MYO1C: variants seen among roughly 807,000 people sequenced by gnomAD.
MYO1C encodes the protein myosin IC.
A neutral mutation model predicts 150.8 loss-of-function variants in MYO1C; 104 were observed. The observed-to-expected ratio is 0.69, with a 90% CI of 0.59 to 0.81. The LOEUF is 0.81. Among genes scored for constraint, MYO1C ranks in the 30% least tolerant of loss-of-function variants. The pLI is 0.00. For synonymous variants in MYO1C, 663 were observed against 579.9 expected (o/e 1.14, Z -2.06); for missense variants, 1,504 against 1,435.0 (o/e 1.05, Z -0.78).
chr17:1,472,407 ACCCCT>A, intron 17 of MYO1C, 179 bp from the exon 18 acceptor site: 1 of 610,286 alleles, frequency 1.6e-6, no homozygotes, highest in South Asian at 2.0e-5. Flanking sequence ...TCCACCCCTT[ACCCCT>A]CTGGCTGGGC....
intron 4 of MYO1C, 84 bp from the exon 5 acceptor site, chr17:1,482,642 C>T: frequency 8.9e-7 from 1 of 1,124,966 alleles, no homozygotes; most frequent in South Asian, 1.3e-5. Context: ...GCTGCCCCTC[C>T]CCTCCCGCAC....
chr17:1,491,820 C>G (rs1183076106), intron 1 of MYO1C: 1 of 269,706 alleles, frequency 3.7e-6, no homozygotes, highest in Non-Finnish European at 5.7e-6. Context: ...CGCCTCGGCC[C>G]GTTCCCGGGG....
At chr17:1,469,735 G>C in intron 24 of MYO1C, 121 bp from the exon 25 acceptor site, 1 of 875,640 alleles carries the variant, frequency 1.1e-6, no homozygotes, top group Non-Finnish European at 1.8e-6. Flanking sequence ...AGACGCTTCC[G>C]GTCAAGAGAC....
In MYO1C at chr17:1,482,999, C is replaced by T; in HGVS notation, c.408G>A (p.Val136=). The T allele has an allele frequency of 6.2e-7, 1 of 1,612,594 alleles. No individual in the cohort carries two copies. The highest frequency in any genetic ancestry group is 2.2e-5 in the East Asian group (1 of 44,834). ...ALRTERRDQA[V]MISGESGAGK... ...CTGCCCCGCTCTCCCCAGAGATCATCACAGCCTGGTCCCGACGCTCCGTGC... is the reference window on the plus strand; with the variant it reads ...CTGCCCCGCTCTCCCCAGAGATCATTACAGCCTGGTCCCGACGCTCCGTGC... Residue 136 remains valine, a synonymous_variant, in exon 4 of 32, where the codon GTG becomes GTA. Coordinates refer to ENST00000648651, the MANE Select transcript of MYO1C (RefSeq NM_001080779.2).
chr17:1,474,826 GGAAGA>G lies in MYO1C; in HGVS notation c.1697_1701del (p.Leu566ProfsTer4). Reference sequence around the variant, plus strand: ...GTCCTCCTCACCTCCTTAAGGTTCCGGAAGAGAAGGTCATTGTTTTTGTCCAGAAA... The same window carrying G: ...GTCCTCCTCACCTCCTTAAGGTTCCGGAAGGTCATTGTTTTTGTCCAGAAA... On this transcript the variant is annotated frameshift_variant, in exon 16 of 32. Coordinates refer to ENST00000648651, the MANE Select transcript of MYO1C (RefSeq NM_001080779.2). LOFTEE classifies it high-confidence loss of function. 6.2e-7 allele frequency: 1 copy of G among 1,612,718 alleles called. No individual in the cohort carries two copies. The highest frequency in any genetic ancestry group is 8.5e-7 in the Non-Finnish European group (1 of 1,179,716).
chr17:1,485,251 TG>T, intron 1 of MYO1C: 2 of 1,159,732 alleles, frequency 1.7e-6, no homozygotes, highest in Non-Finnish European at 2.2e-6. Flanking sequence ...CTCCAAAAAA[TG>T]GACACCCAGA....
Position 1,479,156 on chromosome 17 carries a change from G to A in MYO1C, c.1092+275C>T, listed in dbSNP as rs773758754. On this transcript the variant is annotated intron_variant, in intron 9 of 31. Transcript: ENST00000648651. This position sits in a 1 kb window ranked among gnomAD's most constrained non-coding sequence, Gnocchi z 4.2. ...ATTACAGGCGCCCGCCACCATGCCC[G>A]GCTAATTTTTGTATTCTTAGTAGAT... is the stretch of plus-strand genomic sequence containing the variant. Among the ~76,000 whole-genome samples the A allele has an allele frequency of 3.9e-5, 6 of 152,032 alleles. No individual in the cohort carries two copies. The highest frequency in any genetic ancestry group is 1.2e-4 in the African/African-American group (5 of 41,372).
Position 1,478,806 on chromosome 17 carries a change from G to C in MYO1C, c.1093-71C>G. ...TGCATCCCACCTGCTCCCAGGCTCA[G>C]GCAGACCAGGAAGCCGCCACCACTC... On this transcript the variant is annotated intron_variant, in intron 9 of 31. Transcript: ENST00000648651. This position sits in a 1 kb window ranked among gnomAD's most constrained non-coding sequence, Gnocchi z 6.3. The C allele has an allele frequency of 6.2e-7, 1 of 1,602,490 alleles. No individual in the cohort carries two copies. Among genetic ancestry groups the C allele is most frequent in the Non-Finnish European group, 8.5e-7 (1 of 1,178,990 alleles).
Position 1,478,360 on chromosome 17 carries a change from G to C in MYO1C, c.1295+50C>G, listed in dbSNP as rs755119906. 12 of 1,606,972 alleles carry C rather than the reference G, an allele frequency of 7.5e-6. No individual in the cohort carries two copies. The highest frequency in any genetic ancestry group is 1.0e-5 in the Non-Finnish European group (12 of 1,173,672). On this transcript the variant is annotated intron_variant, in intron 11 of 31. Coordinates refer to ENST00000648651, the MANE Select transcript of MYO1C (RefSeq NM_001080779.2). The surrounding 1 kb of genome is among the most constrained non-coding windows in gnomAD (Gnocchi z 6.3). Reference sequence around the variant, plus strand: ...TGAGAGGCTGGAGGACAGAAGAGAGGGAGCAGGACAGGAGACCGGGAGGAG... The same window carrying C: ...TGAGAGGCTGGAGGACAGAAGAGAGCGAGCAGGACAGGAGACCGGGAGGAG...
At chr17:1,490,035 CAAAA>C (rs368349826) in intron 1 of MYO1C, among the ~76,000 whole-genome samples, 7 of 104,520 alleles carry the variant, frequency 6.7e-5, no homozygotes, top group Admixed American at 1.1e-4. Context: ...GACACTGTCT[CAAAA>C]AAAAAAAAAA....
chr17:1,492,587 G>A lies in MYO1C; in HGVS notation c.-100C>T. ...GACCACTCCGGGACCAGGAACCTAC[G>A]GTCTAACGCCGGGATGGCCACTTGG... On this transcript the variant is annotated 5_prime_UTR_variant, in exon 1 of 32. Transcript: ENST00000648651. 2.6e-6 allele frequency: 3 copies of A among 1,142,124 alleles called. No individual in the cohort carries two copies. The South Asian group carries it at 4.0e-5, about 15-fold the overall frequency. 70.7% of individuals were successfully genotyped at this position (1,142,124 alleles called of 1,614,324 possible). A position where few individuals can be genotyped will look rare whatever the true frequency, so the allele number is the denominator to read the frequency against.
intron 17 of MYO1C, among the ~76,000 whole-genome samples, chr17:1,473,404 T>C (rs949833905): frequency 6.7e-6 from 1 of 150,030 alleles, no homozygotes; most frequent in African/African-American, 2.5e-5. Context: ...GGCGGGAGGG[T>C]GTGTAGGCAT....
intron 19 of MYO1C, 40 bp from the exon 20 acceptor site, chr17:1,471,376 A>G: frequency 6.4e-7 from 1 of 1,571,162 alleles, no homozygotes; most frequent in Non-Finnish European, 8.7e-7. Flanking sequence ...CCCAGTCAGC[A>G]GCCTGCCCTG....
At chr17:1,484,494 C>T (rs2074610468) in intron 1 of MYO1C, 191 bp from the exon 2 acceptor site, 2 of 678,080 alleles carry the variant, frequency 2.9e-6, no homozygotes, top group South Asian at 3.5e-5. Context: ...TGCGGAAAGC[C>T]GGGTGTGGAG....
chr17:1,476,489 A>G (rs1461514134), intron 14 of MYO1C, among the ~76,000 whole-genome samples: 1 of 152,004 alleles, frequency 6.6e-6, no homozygotes, highest in Non-Finnish European at 1.5e-5. Context: ...ACAAATTTTC[A>G]ATATATTATT....
chr17:1,485,562 G>A, intron 1 of MYO1C: 1 of 718,814 alleles, frequency 1.4e-6, no homozygotes, highest in Non-Finnish European at 1.8e-6. Flanking sequence ...TCCTCCCCCT[G>A]CAACTTCCCG....
rs1481270075 is a variant in MYO1C, at chr17:1,483,635, T to A, written c.322A>T (p.Ser108Cys). The change falls in exon 3 of 32, where the codon AGC (serine) becomes TGC (cysteine). Residue 108 changes from serine to cysteine, a missense_variant. By Grantham distance (112) the Ser-to-Cys change is moderately radical (BLOSUM62 -1). Transcript: ENST00000648651. ...AGGTGAGGGGGCACTTCATAGAAGC[T>A]GACGCCACGGTAACGCTCCATATGC... ...RQHMERYRGV[S>C]FYEVPPHLFA... 1 of 1,612,006 alleles carries A rather than the reference T, an allele frequency of 6.2e-7. No homozygotes were observed. The highest frequency in any genetic ancestry group is 8.5e-7 in the Non-Finnish European group (1 of 1,179,308).
At chr17:1,492,169 A>G (rs2074742702) in intron 1 of MYO1C, 1 of 557,770 alleles carries the variant, frequency 1.8e-6, no homozygotes, top group Non-Finnish European at 3.2e-6. Flanking sequence ...GGTTCTGCCC[A>G]CTGAGGTTCG....
Position 1,482,939 on chromosome 17 carries a change from G to A in MYO1C, c.468C>T (p.Phe156=). The A allele has an allele frequency of 6.3e-7, 1 of 1,584,422 alleles. No individual in the cohort carries two copies. The highest frequency in any genetic ancestry group is 8.6e-7 in the Non-Finnish European group (1 of 1,165,364). The change falls in exon 4 of 32, where the codon TTC becomes TTT. Residue 156 remains phenylalanine, a synonymous_variant. Coordinates refer to ENST00000648651, the MANE Select transcript of MYO1C (RefSeq NM_001080779.2). ...CGGGGGCTGGGCAGGTCTCTGCATA[G>A]AACTGCAGCAGCCTCTTGGTGGCCT... is the stretch of plus-strand genomic sequence containing the variant. ...KTEATKRLLQ[F]YAETCPAPER... is the part of the protein sequence containing the mutation.
Sources: allele counts gnomAD v4.1 joint callset (sites outside exome capture counted in the v4.1 genomes callset), GRCh38; gene constraint gnomAD v4.1.1; non-coding constraint Gnocchi (gnomAD v3.1); transcripts MANE v1.5; gene names NCBI Gene and HGNC (gene_info 2026-07-23, HGNC 2026-07-21).